The following OSCAR variants were observed in gnomAD, a reference collection of about 807,000 sequenced individuals.
OSCAR encodes osteoclast-associated immunoglobulin-like receptor.
In OSCAR, 25 loss-of-function variants were observed where a neutral mutation model predicts 27.3. The observed-to-expected ratio is 0.92, with a 90% CI of 0.67 to 1.28. OSCAR has a LOEUF of 1.28. Ranked by LOEUF, OSCAR falls within the 50% of genes most tolerant of loss-of-function variation. The pLI, the probability that OSCAR is intolerant of heterozygous loss-of-function variation, is 0.00. For synonymous variants in OSCAR, 158 were observed against 165.7 expected (o/e 0.95, Z 0.36); for missense variants, 354 against 355.1 (o/e 1.00, Z 0.03).
rs201657883 is a variant in OSCAR at position 54,099,742 on chromosome 19, A to G, written c.70+6T>C. On this transcript the variant is annotated splice_donor_region_variant and intron_variant, in intron 2 of 4. Coordinates refer to ENST00000358375, the MANE Select transcript of OSCAR (RefSeq NM_133169.6). The stretch of plus-strand genomic sequence containing the variant: ...CAAAAGGAGAGTGGATGGGGTGGCT[A>G]CTCACCAGACGGAGTGATGTCTGTG... 1.4e-5 allele frequency: 22 copies of G among 1,613,666 alleles called. No individual in the cohort carries two copies. The highest frequency in any genetic ancestry group is 1.7e-5 in the Non-Finnish European group (20 of 1,179,824).
chr19:54,094,931 T>C lies in OSCAR; in HGVS notation c.*290A>G. The C allele has an allele frequency of 2.5e-6, 1 of 396,764 alleles. No individual in the cohort carries two copies. The highest frequency in any genetic ancestry group is 4.4e-6 in the Non-Finnish European group (1 of 227,544). 24.6% of individuals were successfully genotyped at this position (396,764 alleles called of 1,614,324 possible). A position where few individuals can be genotyped will look rare whatever the true frequency, so the allele number is the denominator to read the frequency against. ...AAGTCCAGCTGGCTTCACGTCTCAC[T>C]ACTACCTTTCTGTAGCTGCTACTAC... On this transcript the variant is annotated 3_prime_UTR_variant, in exon 5 of 5. Transcript: ENST00000358375.
At chr19:54,098,058 T>C (rs2072845956) in intron 2 of OSCAR, among the ~76,000 whole-genome samples, 1 of 152,166 alleles carries the variant, frequency 6.6e-6, no homozygotes, top group African/African-American at 2.4e-5. Flanking sequence ...GTTTCTTTTT[T>C]TTTAAACTAT....
chr19:54,096,183 G>C (rs1442326663), intron 3 of OSCAR, 30 bp from the exon 4 acceptor site: 1 of 1,466,896 alleles, frequency 6.8e-7, no homozygotes, highest in East Asian at 2.6e-5. Context: ...GTCCGGGGCC[G>C]CGTGAGCGTC....
At position 54,095,178 on chromosome 19, in the gene OSCAR, C is replaced by G; in HGVS notation, c.*43G>C. The G allele has an allele frequency of 6.3e-7, 1 of 1,592,590 alleles. No homozygotes were observed. ...GTCCAGCCCAGGGTCCCAGCTTCTC[C>G]GCCACTCAGGTTGGAAGTCTCGGGC... On this transcript the variant is annotated 3_prime_UTR_variant, in exon 5 of 5. Transcript: ENST00000358375.
At chr19:54,097,277 C>T (rs2072798888) in intron 2 of OSCAR, 113 bp from the exon 3 acceptor site, 4 of 1,109,706 alleles carry the variant, frequency 3.6e-6, no homozygotes, top group Admixed American at 2.8e-5. Context: ...CTTTCTTAGC[C>T]TCAGTTTCCT....
rs587765444 is a variant in OSCAR at position 54,100,589 on chromosome 19, C to T, written c.37+167G>A. Among the ~76,000 whole-genome samples, 3 of 152,312 alleles carry T rather than the reference C, an allele frequency of 2.0e-5. No individual in the cohort carries two copies. In the South Asian group the frequency reaches 6.2e-4, roughly 32 times the overall value. ...CCTTCCTCTTTCGGGAATCTGTGTT[C>T]TCTTGCTTTAGGACCCAGGGGTCTG... On this transcript the variant is annotated intron_variant, in intron 1 of 4. Coordinates refer to ENST00000358375, the MANE Select transcript of OSCAR (RefSeq NM_133169.6).
chr19:54,099,961 C>T (rs1241815848), intron 1 of OSCAR, among the ~76,000 whole-genome samples, 181 bp from the exon 2 acceptor site: 5 of 151,968 alleles, frequency 3.3e-5, no homozygotes, highest in African/African-American at 4.8e-5. Context: ...TACAAGTGCC[C>T]GCCACCACAC....
intron 2 of OSCAR, among the ~76,000 whole-genome samples, chr19:54,098,796 A>G (rs1317641224): frequency 6.6e-6 from 1 of 151,788 alleles, no homozygotes; most frequent in Non-Finnish European, 1.5e-5. Context: ...GACCAGCCTG[A>G]CCAACATGGG....
At position 54,094,935 on chromosome 19, in the gene OSCAR, A is replaced by C; in HGVS notation, c.*286T>G. 2.5e-6 allele frequency: 1 copy of C among 401,996 alleles called. No homozygotes were observed. The highest frequency in any genetic ancestry group is 4.3e-6 in the Non-Finnish European group (1 of 231,424). The allele number at this position is 401,996 out of a possible 1,614,324, so 24.9% of individuals were successfully genotyped here. On this transcript the variant is annotated 3_prime_UTR_variant, in exon 5 of 5. Transcript: ENST00000358375. ...CCAGCTGGCTTCACGTCTCACTACTACCTTTCTGTAGCTGCTACTACTACA... is the reference window on the plus strand; with the variant it reads ...CCAGCTGGCTTCACGTCTCACTACTCCCTTTCTGTAGCTGCTACTACTACA...
Position 54,096,048 on chromosome 19 carries a change from A to C in OSCAR, c.479T>G (p.Val160Gly). The change falls in exon 4 of 5, where the codon GTG becomes GGG. Residue 160 changes from valine (V) to glycine (G), a missense_variant. By Grantham distance (109) the Val-to-Gly change is moderately radical (BLOSUM62 -3). Transcript: ENST00000358375. ...CAGRLRNMSF[V>G]LYREGVAAPL... ...GGCCGCCACGCCCTCGCGGTACAGC[A>C]CGAAGCTCATGTTCCGCAGGCGGCC... The C allele has an allele frequency of 6.4e-7, 1 of 1,555,746 alleles. No homozygotes were observed. The highest frequency in any genetic ancestry group is 8.7e-7 in the Non-Finnish European group (1 of 1,154,910).
chr19:54,097,110 A>G lies in OSCAR; in HGVS notation c.125T>C (p.Val42Ala), dbSNP rs755317551. The part of the protein sequence containing the change: ...KPWLGAQPAT[V>A]VTPGVNVTLR... ...GGTCACGTTGACCCCAGGGGTCACA[A>G]CTGTAGCCGGCTGAGCTCCCAGCCA... The change falls in exon 3 of 5, where the codon GTT (valine) becomes GCT (alanine). Residue 42 changes from valine to alanine, a missense_variant. Coordinates refer to ENST00000358375, the MANE Select transcript of OSCAR (RefSeq NM_133169.6). 2 of 1,614,178 alleles carry G rather than the reference A, an allele frequency of 1.2e-6. No homozygotes were observed. The highest frequency in any genetic ancestry group is 1.3e-5 in the African/African-American group (1 of 75,048).
At chr19:54,095,434 C>T (rs2072591658) in intron 4 of OSCAR, 77 bp from the exon 5 acceptor site, 4 of 1,500,438 alleles carry the variant, frequency 2.7e-6, no homozygotes, top group Non-Finnish European at 2.7e-6. Context: ...AGGTTTCCAG[C>T]CCCTGGGGTG....
chr19:54,099,445 G>A lies in OSCAR; in HGVS notation c.70+303C>T, dbSNP rs996617962. The A allele has an allele frequency of 5.6e-5, 47 of 837,526 alleles. No homozygotes were observed. In the Middle Eastern group the frequency reaches 1.1e-3, roughly 19 times the overall value. The allele number at this position is 837,526 out of a possible 1,614,324, so 51.9% of individuals were successfully genotyped here. ...ATGTGATTTGATGAGATCTCACAGC[G>A]GCCCATTTTACAGAGAAGGAAATGG... On this transcript the variant is annotated intron_variant, in intron 2 of 4. Transcript: ENST00000358375.
In OSCAR at chr19:54,095,752, C is replaced by G. The variant is rs1245814754; in HGVS notation, c.655+120G>C. 2 of 1,465,284 alleles carry G rather than the reference C, an allele frequency of 1.4e-6. No homozygotes were observed. Among genetic ancestry groups the G allele is most frequent in the Admixed American group, 4.3e-5 (2 of 45,986 alleles). 90.8% of individuals were successfully genotyped at this position (1,465,284 alleles called of 1,614,324 possible). A position where few individuals can be genotyped will look rare whatever the true frequency, so the allele number is the denominator to read the frequency against. On this transcript the variant is annotated intron_variant, in intron 4 of 4. Coordinates refer to ENST00000358375, the MANE Select transcript of OSCAR (RefSeq NM_133169.6). ...GTCTGAGGGAGGAGGGGCTGCAGGA[C>G]TAGACCCCTGGGTCTGAAGGAGGAG...
intron 4 of OSCAR, 189 bp downstream of exon 4, chr19:54,095,683 C>T (rs757948107): frequency 9.3e-7 from 1 of 1,076,618 alleles, no homozygotes; most frequent in South Asian, 1.6e-5. Flanking sequence ...GAGGACTAGA[C>T]TCCTGGATCT....
chr19:54,099,730 G>A lies in OSCAR; in HGVS notation c.70+18C>T. ...GGGTGTCAGCAACAAAAGGAGAGTG[G>A]ATGGGGTGGCTACTCACCAGACGGA... On this transcript the variant is annotated intron_variant, in intron 2 of 4. Coordinates refer to ENST00000358375, the MANE Select transcript of OSCAR (RefSeq NM_133169.6). 1 of 1,613,894 alleles carries A rather than the reference G, an allele frequency of 6.2e-7. No individual in the cohort carries two copies. The highest frequency in any genetic ancestry group is 8.5e-7 in the Non-Finnish European group (1 of 1,179,860).
At chr19:54,099,495 C>G (rs1260262567) in intron 2 of OSCAR, 13 of 1,210,696 alleles carry the variant, frequency 1.1e-5, no homozygotes, top group Non-Finnish European at 1.5e-5. Flanking sequence ...GTGACTTGTT[C>G]TAGGTCATAT....
Position 54,096,000 on chromosome 19 carries a change from G to A in OSCAR, c.527C>T (p.Ala176Val). ...CAGCGTGAAGTCGGCCCAGGGCTGC[G>A]CGGAGTGGCGGTACTGCAGCGGGGC... ...VAAPLQYRHS[A>V]QPWADFTLLG... is the part of the protein sequence containing the mutation. Residue 176 changes from alanine to valine, a missense_variant, in exon 4 of 5, where the codon GCG becomes GTG. Coordinates refer to ENST00000358375, the MANE Select transcript of OSCAR (RefSeq NM_133169.6). 1 of 1,582,538 alleles carries A rather than the reference G, an allele frequency of 6.3e-7. No individual in the cohort carries two copies. The highest frequency in any genetic ancestry group is 8.6e-7 in the Non-Finnish European group (1 of 1,165,820).
chr19:54,095,739 AG>A (rs748252664), intron 4 of OSCAR, 132 bp downstream of exon 4: 65 of 1,383,294 alleles, frequency 4.7e-5, no homozygotes, highest in Middle Eastern at 2.5e-4. Context: ...CTGAGGGAGG[AG>A]GGGCTGCAGG....
Sources: allele counts gnomAD v4.1 joint callset (sites outside exome capture counted in the v4.1 genomes callset), GRCh38; gene constraint gnomAD v4.1.1; transcripts MANE v1.5; gene names NCBI Gene and HGNC (gene_info 2026-07-23, HGNC 2026-07-21).